ASB5: variants seen among roughly 807,000 people sequenced by gnomAD.
ASB5 encodes the protein ankyrin repeat and SOCS box containing 5, also known as ankyrin repeat and SOCS box protein 5.
ASB5 carries 45 observed loss-of-function variants against 42.1 expected under a neutral mutation model. That is an observed-to-expected ratio of 1.07 (90% CI 0.84 to 1.37). ASB5 has a LOEUF of 1.37. Ranked by LOEUF, ASB5 falls within the 40% of genes most tolerant of loss-of-function variation. The pLI is 0.00. For missense variants in ASB5, 402 were observed against 399.8 expected, an observed-to-expected ratio of 1.01 and a Z score of -0.05; for synonymous variants, 147 against 150.6, an observed-to-expected ratio of 0.98 and a Z score of 0.18.
intron 1 of ASB5, among the ~76,000 whole-genome samples, chr4:176,246,937 A>T (rs115155693): frequency 0.012 from 1,761 of 148,422 alleles, 25 homozygotes; most frequent in African/African-American, 0.045. Context: ...CTTTTCACAT[A>T]AAAAATCCCT....
At chr4:176,256,381 A>C (rs1339369279) in intron 1 of ASB5, among the ~76,000 whole-genome samples, 1 of 152,188 alleles carries the variant, frequency 6.6e-6, no homozygotes, top group Non-Finnish European at 1.5e-5. Context: ...TTCTCATTGG[A>C]GGCTTAGCCA....
At chr4:176,230,212 G>A (rs1375733217) in intron 1 of ASB5, among the ~76,000 whole-genome samples, 2 of 152,164 alleles carry the variant, frequency 1.3e-5, no homozygotes, top group Admixed American at 1.3e-4. Context: ...ACATAAGCTG[G>A]TAAATGGGGG....
intron 5 of ASB5, among the ~76,000 whole-genome samples, chr4:176,217,224 C>A (rs1209543706): frequency 6.6e-6 from 1 of 152,088 alleles, no homozygotes; most frequent in Admixed American, 6.6e-5. Flanking sequence ...CTGGGCACAT[C>A]TGAATGGCAG....
intron 1 of ASB5, among the ~76,000 whole-genome samples, chr4:176,228,409 G>A (rs1457522982): frequency 6.6e-6 from 1 of 152,150 alleles, no homozygotes; most frequent in African/African-American, 2.4e-5. Context: ...TCTTGCATGG[G>A]TGTTTATCTT....
At chr4:176,257,382 T>C (rs1754175637) in intron 1 of ASB5, among the ~76,000 whole-genome samples, 1 of 152,198 alleles carries the variant, frequency 6.6e-6, no homozygotes, top group African/African-American at 2.4e-5. Flanking sequence ...GAAAAGTTTC[T>C]TGGACAGAAT....
intron 1 of ASB5, chr4:176,237,547 T>G (rs1753716600): frequency 1.0e-6 from 1 of 985,582 alleles, no homozygotes. Context: ...AAGGTTCCTG[T>G]GTGCTAACTT....
intron 1 of ASB5, among the ~76,000 whole-genome samples, chr4:176,227,297 C>T (rs776039934): frequency 6.6e-6 from 1 of 152,172 alleles, no homozygotes; most frequent in Non-Finnish European, 1.5e-5. Flanking sequence ...TCAACATTAC[C>T]TGCTATTACC....
At chr4:176,231,796 G>C (rs1325458701) in intron 1 of ASB5, among the ~76,000 whole-genome samples, 2 of 151,936 alleles carry the variant, frequency 1.3e-5, no homozygotes, top group Non-Finnish European at 2.9e-5. Context: ...AGTGAGCTGT[G>C]TTCCCAATAC....
intron 1 of ASB5, among the ~76,000 whole-genome samples, chr4:176,232,847 C>A (rs1038445733): frequency 1.3e-5 from 2 of 151,986 alleles, no homozygotes; most frequent in East Asian, 3.9e-4. Context: ...TGGTAATAAT[C>A]ATATGGTCTC....
intron 1 of ASB5, among the ~76,000 whole-genome samples, chr4:176,252,320 C>T: frequency 6.6e-6 from 1 of 152,204 alleles, no homozygotes; most frequent in Non-Finnish European, 1.5e-5. Context: ...TCCATTAACA[C>T]TTATTCAGTG....
intron 1 of ASB5, among the ~76,000 whole-genome samples, chr4:176,250,734 G>T (rs1208847625): frequency 6.6e-6 from 1 of 152,126 alleles, no homozygotes; most frequent in African/African-American, 2.4e-5. Flanking sequence ...CGCCACGTGC[G>T]AACAAATCTA....
intron 1 of ASB5, chr4:176,237,700 G>A (rs1300984104): frequency 2.0e-6 from 1 of 504,676 alleles, no homozygotes; most frequent in Admixed American, 6.4e-5. Flanking sequence ...TTAACTATTT[G>A]TGTGATATAG....
intron 2 of ASB5, among the ~76,000 whole-genome samples, chr4:176,223,682 T>C (rs867126852): frequency 2.0e-5 from 3 of 152,190 alleles, no homozygotes; most frequent in African/African-American, 7.2e-5. Flanking sequence ...TTGAGTTGGC[T>C]AGCCAGCAGT....
intron 1 of ASB5, chr4:176,237,355 T>TA: frequency 1.0e-6 from 1 of 985,892 alleles, no homozygotes; most frequent in Non-Finnish European, 1.2e-6. Flanking sequence ...CTATACTCAC[T>TA]AGCCTTCTTT....
intron 1 of ASB5, among the ~76,000 whole-genome samples, chr4:176,235,097 G>C (rs1753652650): frequency 1.3e-5 from 2 of 152,108 alleles, no homozygotes; most frequent in Non-Finnish European, 2.9e-5. Context: ...TTGGTGGACT[G>C]TTATTCCATA....
intron 5 of ASB5, among the ~76,000 whole-genome samples, chr4:176,218,797 A>G (rs1753071455): frequency 2.0e-5 from 1 of 51,104 alleles, no homozygotes; most frequent in South Asian, 5.5e-4. Context: ...ATAAATATAT[A>G]TATTTGTATG....
chr4:176,216,095 G>T (rs1049868479), intron 6 of ASB5, among the ~76,000 whole-genome samples: 1 of 152,036 alleles, frequency 6.6e-6, no homozygotes, highest in African/African-American at 2.4e-5. Context: ...TACCCTAAAA[G>T]AAATATTATA....
At chr4:176,273,815 T>TA (rs1284242574), upstream of ASB5, among the ~76,000 whole-genome samples, 2 of 152,244 alleles carry the variant, frequency 1.3e-5, no homozygotes, top group Non-Finnish European at 2.9e-5. Context: ...TATAAGAGTT[T>TA]AAAAAATAGA....
At chr4:176,226,410 T>C (rs568809508) in intron 1 of ASB5, among the ~76,000 whole-genome samples, 1 of 152,270 alleles carries the variant, frequency 6.6e-6, no homozygotes, top group South Asian at 2.1e-4. Context: ...GCTTTCCTGG[T>C]TCTGAGGCTT....
Sources: gnomAD v4.1 joint callset for allele counts (sites outside exome capture counted in the v4.1 genomes callset) on GRCh38, gnomAD v4.1.1 for gene constraint, MANE v1.5 for transcripts, NCBI Gene and HGNC (gene_info 2026-07-23, HGNC 2026-07-21) for gene names.